YME1L1: variants seen among roughly 807,000 people sequenced by gnomAD.
YME1L1 encodes the protein ATP-dependent zinc metalloprotease YME1L1.
Under a neutral mutation model 90.4 loss-of-function variants are expected in YME1L1, and 39 were observed. The observed-to-expected ratio is 0.43, with a 90% CI of 0.33 to 0.56. The LOEUF (loss-of-function observed/expected upper bound fraction) is 0.56. Ranked by LOEUF, YME1L1 falls within the 20% of genes least tolerant of loss-of-function variation. The pLI is 0.03. For missense variants in YME1L1, 617 were observed against 868.4 expected, an observed-to-expected ratio of 0.71 and a Z score of 3.64; for synonymous variants, 284 against 287.3, an observed-to-expected ratio of 0.99 and a Z score of 0.12.
At chr10:27,116,411 G>A in intron 15 of YME1L1, 66 bp from the exon 16 acceptor site, 1 of 1,563,962 alleles carries the variant, frequency 6.4e-7, no homozygotes, top group Non-Finnish European at 8.6e-7. Flanking sequence ...GCTCACGCCT[G>A]AATCCCAGCA....
At chr10:27,121,739 C>T (rs373965807) in intron 11 of YME1L1, among the ~76,000 whole-genome samples, 5 of 146,352 alleles carry the variant, frequency 3.4e-5, no homozygotes, top group African/African-American at 2.6e-5. Flanking sequence ...TTTCTAGGTA[C>T]AAGCCACTAT....
intron 18 of YME1L1, among the ~76,000 whole-genome samples, chr10:27,113,114 G>T (rs1296342665): frequency 6.6e-6 from 1 of 151,184 alleles, no homozygotes; most frequent in African/African-American, 2.4e-5. Flanking sequence ...CAGCTACTCA[G>T]GAGGCTGAGG....
chr10:27,133,960 A>C, intron 7 of YME1L1, 79 bp downstream of exon 7: 1 of 967,674 alleles, frequency 1.0e-6, no homozygotes, highest in Non-Finnish European at 1.6e-6. Flanking sequence ...TCTTTCTTTA[A>C]GGGTTAGATT....
chr10:27,117,116 G>A (rs1352914662), intron 15 of YME1L1, among the ~76,000 whole-genome samples: 1 of 152,144 alleles, frequency 6.6e-6, no homozygotes, highest in East Asian at 1.9e-4. Context: ...GCTGCAATAG[G>A]ACTGTTTTCT....
intron 6 of YME1L1, 53 bp downstream of exon 6, chr10:27,134,778 T>C: frequency 1.3e-6 from 2 of 1,584,586 alleles, no homozygotes; most frequent in East Asian, 2.2e-5. Context: ...TGTAGGACTA[T>C]GACTTCCTTT....
intron 4 of YME1L1, among the ~76,000 whole-genome samples, chr10:27,136,884 C>T (rs372953710): frequency 1.3e-5 from 2 of 151,984 alleles, no homozygotes; most frequent in African/African-American, 4.8e-5. Flanking sequence ...TGGCCTCCCA[C>T]AGTGCTGGGA....
At chr10:27,129,357 A>C in intron 8 of YME1L1, 1 of 152,214 alleles carries the variant, frequency 6.6e-6, no homozygotes, top group East Asian at 1.9e-4. Flanking sequence ...AGCCATTTAA[A>C]CTGGAAAGGA....
chr10:27,113,260 A>AAAAAAAAAAAT (rs1564453902), intron 18 of YME1L1, among the ~76,000 whole-genome samples: 1 of 111,616 alleles, frequency 9.0e-6, no homozygotes, highest in African/African-American at 3.3e-5. Flanking sequence ...AAAAAAAAAA[A>AAAAAAAAAAAT]AAAGACCTGC....
At chr10:27,133,793 A>G (rs957691174) in intron 7 of YME1L1, among the ~76,000 whole-genome samples, 22 of 152,188 alleles carry the variant, frequency 1.4e-4, no homozygotes, top group African/African-American at 4.6e-4. Flanking sequence ...ATTCTTCTAC[A>G]TAATTTTAAA....
intron 17 of YME1L1, among the ~76,000 whole-genome samples, chr10:27,115,334 T>G (rs2056801968): frequency 6.6e-6 from 1 of 151,084 alleles, no homozygotes; most frequent in Non-Finnish European, 1.5e-5. Context: ...TTTTTTTTTT[T>G]TTTTGGAGAC....
intron 4 of YME1L1, among the ~76,000 whole-genome samples, chr10:27,141,921 T>G (rs1040359318): frequency 1.3e-5 from 2 of 152,258 alleles, no homozygotes; most frequent in African/African-American, 4.8e-5. Flanking sequence ...CTATCACTAG[T>G]GCCTTGTATT....
chr10:27,124,207 G>A (rs2056894979), intron 9 of YME1L1, among the ~76,000 whole-genome samples: 1 of 152,152 alleles, frequency 6.6e-6, no homozygotes, highest in Non-Finnish European at 1.5e-5. Flanking sequence ...TTATTCTTAG[G>A]TGATGTACAA....
At position 27,111,679 on chromosome 10, in the gene YME1L1, TA is replaced by T; in HGVS notation, c.*297del. The T allele has an allele frequency of 2.3e-6, 1 of 433,248 alleles. No individual in the cohort carries two copies. The highest frequency in any genetic ancestry group is 2.1e-5 in the South Asian group (1 of 46,740). The allele number at this position is 433,248 out of a possible 1,614,324, so 26.8% of individuals were successfully genotyped here. A position where few individuals can be genotyped will look rare whatever the true frequency, so the allele number is the denominator to read the frequency against. On this transcript the variant is annotated 3_prime_UTR_variant, in exon 19 of 19. Transcript: ENST00000376016. ...TCAAATCTAGTAGAGTAACCAAACA[TA>T]AAATCATTAATTACTTTCAACTTAA...
intron 14 of YME1L1, 104 bp downstream of exon 14, chr10:27,119,190 C>A: frequency 8.8e-7 from 1 of 1,140,932 alleles, no homozygotes; most frequent in Non-Finnish European, 1.2e-6. Context: ...AGATTAGATT[C>A]AACATAGCCA....
chr10:27,126,010 TAGA>T (rs1173499142), intron 9 of YME1L1, among the ~76,000 whole-genome samples: 1 of 152,164 alleles, frequency 6.6e-6, no homozygotes, highest in African/African-American at 2.4e-5. Flanking sequence ...TGGAGTTACA[TAGA>T]AGAATATCCT....
chr10:27,146,925 T>A (rs1237959977), intron 2 of YME1L1: 1 of 163,108 alleles, frequency 6.1e-6, no homozygotes, highest in Admixed American at 5.7e-5. Flanking sequence ...CTACGTATCC[T>A]AGCATACAAC....
At chr10:27,143,876 G>A (rs925603526) in intron 3 of YME1L1, among the ~76,000 whole-genome samples, 2 of 152,096 alleles carry the variant, frequency 1.3e-5, no homozygotes, top group African/African-American at 4.8e-5. Context: ...CCTAGTCATT[G>A]GGTAAAAAGA....
chr10:27,151,522 G>T (rs996394476), intron 1 of YME1L1, among the ~76,000 whole-genome samples: 2 of 152,198 alleles, frequency 1.3e-5, no homozygotes, highest in African/African-American at 4.8e-5. Context: ...CTCATCCCAT[G>T]GATATTGATA....
intron 1 of YME1L1, among the ~76,000 whole-genome samples, chr10:27,150,860 C>A (rs997520578): frequency 1.3e-5 from 2 of 151,976 alleles, no homozygotes; most frequent in Admixed American, 6.6e-5. Context: ...TATGGAGTAC[C>A]CCATTCTTTA....
Sources: gnomAD v4.1 joint callset for allele counts (sites outside exome capture counted in the v4.1 genomes callset) on GRCh38, gnomAD v4.1.1 for gene constraint, MANE v1.5 for transcripts, NCBI Gene and HGNC (gene_info 2026-07-23, HGNC 2026-07-21) for gene names.